The following C12orf42 variants were observed in gnomAD, a reference collection of about 807,000 sequenced individuals.
C12orf42 encodes chromosome 12 open reading frame 42, also known as uncharacterized protein C12orf42.
A neutral mutation model predicts 21.6 loss-of-function variants in C12orf42; 25 were observed. That is an observed-to-expected ratio of 1.16 (90% confidence interval 0.84 to 1.62). The LOEUF (loss-of-function observed/expected upper bound fraction) is 1.62, where lower values mean the gene tolerates loss of function less well. Ranked by LOEUF, C12orf42 falls within the 40% of genes most tolerant of loss-of-function variation. The pLI is 0.00. For synonymous variants in C12orf42, 174 were observed against 175.0 expected (o/e 0.99, Z 0.05); for missense variants, 483 against 459.3 (o/e 1.05, Z -0.47).
At chr12:103,131,050 T>C in the C12orf42 span, among the ~76,000 whole-genome samples, 1 of 152,180 alleles carries the variant, frequency 6.6e-6, no homozygotes, top group South Asian at 2.1e-4. Flanking sequence ...TCCAGTAATT[T>C]GTGCTGATCA....
chr12:103,219,318 C>A, the C12orf42 span, among the ~76,000 whole-genome samples: 1 of 152,136 alleles, frequency 6.6e-6, no homozygotes, highest in South Asian at 2.1e-4. Flanking sequence ...TAGAAGAAAA[C>A]CTAGGCAATA....
At chr12:103,147,311 T>G in the C12orf42 span, among the ~76,000 whole-genome samples, 1 of 152,106 alleles carries the variant, frequency 6.6e-6, no homozygotes, top group African/African-American at 2.4e-5. Flanking sequence ...TAAGCAATTA[T>G]TTTCTAATTC....
the C12orf42 span, among the ~76,000 whole-genome samples, chr12:103,137,792 T>A: frequency 1.3e-5 from 2 of 152,154 alleles, no homozygotes; most frequent in African/African-American, 4.8e-5. Flanking sequence ...TACTGCATGT[T>A]CTCACTCAGA....
At chr12:103,132,601 G>T in the C12orf42 span, among the ~76,000 whole-genome samples, 2 of 152,154 alleles carry the variant, frequency 1.3e-5, no homozygotes, top group Non-Finnish European at 2.9e-5. Context: ...TATTCTCTAA[G>T]GCTACAACAG....
chr12:103,175,455 G>A, the C12orf42 span, among the ~76,000 whole-genome samples: 547 of 152,240 alleles, frequency 3.6e-3, 2 homozygotes, highest in African/African-American at 0.013. Context: ...AAGAGTTGGC[G>A]AGCTAGAAGT....
chr12:103,407,326 A>G (rs1245728142), intron 2 of C12orf42, among the ~76,000 whole-genome samples: 1 of 152,140 alleles, frequency 6.6e-6, no homozygotes, highest in Non-Finnish European at 1.5e-5. Context: ...AATACAGTAG[A>G]CCTTTGACCA....
chr12:103,209,462 T>C, the C12orf42 span, among the ~76,000 whole-genome samples: 5 of 152,254 alleles, frequency 3.3e-5, no homozygotes. Flanking sequence ...CAAAGTTTCC[T>C]TCTCTGATTG....
chr12:103,220,462 A>G, the C12orf42 span, among the ~76,000 whole-genome samples: 2 of 152,204 alleles, frequency 1.3e-5, no homozygotes, highest in Non-Finnish European at 2.9e-5. Flanking sequence ...AGATTTTTTC[A>G]TGAAACTGAC....
chr12:103,354,856 C>A (rs2043388919), intron 4 of C12orf42, among the ~76,000 whole-genome samples: 1 of 151,890 alleles, frequency 6.6e-6, no homozygotes, highest in South Asian at 2.1e-4. Context: ...CCATGCCTGG[C>A]CTATGGTTAA....
At chr12:103,499,664 C>T (rs755209131), upstream of C12orf42, among the ~76,000 whole-genome samples, 1 of 152,156 alleles carries the variant, frequency 6.6e-6, no homozygotes, top group African/African-American at 2.4e-5. Context: ...GTAAGAAATC[C>T]AAACAGGATA....
chr12:103,209,187 A>G, the C12orf42 span, among the ~76,000 whole-genome samples: 73 of 152,258 alleles, frequency 4.8e-4, no homozygotes, highest in African/African-American at 1.7e-3. Context: ...TTCAGAATGT[A>G]CTCTTAACAT....
At chr12:103,352,333 C>A (rs2043171350) in intron 4 of C12orf42, among the ~76,000 whole-genome samples, 1 of 152,078 alleles carries the variant, frequency 6.6e-6, no homozygotes, top group African/African-American at 2.4e-5. Flanking sequence ...AGGATAGAGA[C>A]TATGAAGAAA....
upstream of C12orf42, among the ~76,000 whole-genome samples, chr12:103,500,547 A>G (rs1210420926): frequency 6.6e-6 from 1 of 152,262 alleles, no homozygotes; most frequent in Non-Finnish European, 1.5e-5. Flanking sequence ...GCAGCAAAAG[A>G]GAACTGGGAA....
chr12:103,085,530 C>A, the C12orf42 span, among the ~76,000 whole-genome samples: 3 of 151,038 alleles, frequency 2.0e-5, no homozygotes, highest in East Asian at 1.9e-4. Context: ...CAAAATTATT[C>A]GAATGAAAAG....
the C12orf42 span, among the ~76,000 whole-genome samples, chr12:103,507,952 A>G: frequency 6.6e-6 from 1 of 152,100 alleles, no homozygotes; most frequent in Admixed American, 6.5e-5. Flanking sequence ...TACCGTAGCT[A>G]TTCATCCCTG....
At chr12:103,106,465 G>T in the C12orf42 span, among the ~76,000 whole-genome samples, 9 of 151,934 alleles carry the variant, frequency 5.9e-5, no homozygotes, top group African/African-American at 2.2e-4. Context: ...AGAGTAATTT[G>T]GGTTTGTTTA....
At position 103,413,476 on chromosome 12, in the gene C12orf42, C is replaced by CTATTAT. The variant is rs4015528; in HGVS notation, c.79-11807_79-11802dup. Among the ~76,000 whole-genome samples the CTATTAT allele has an allele frequency of 0.015, 2,178 of 150,094 alleles. 138 individuals carry two copies. In the East Asian group the frequency reaches 0.2, roughly 14 times the overall value. ...TATGAATTTTATTTTGGTATTTACT[C>CTATTAT]TATTATTATTATTATTATTTCAATA... On this transcript the variant is annotated intron_variant, in intron 2 of 5. Coordinates refer to ENST00000548883, the MANE Select transcript of C12orf42 (RefSeq NM_198521.5).
At chr12:103,258,171 T>C (rs1394998426) in intron 10 of C12orf42, among the ~76,000 whole-genome samples, 1 of 152,078 alleles carries the variant, frequency 6.6e-6, no homozygotes, top group Non-Finnish European at 1.5e-5. Context: ...ACATGGAATA[T>C]TATCCCAGTG....
At chr12:103,050,076 T>G in the C12orf42 span, among the ~76,000 whole-genome samples, 1 of 152,200 alleles carries the variant, frequency 6.6e-6, no homozygotes, top group Non-Finnish European at 1.5e-5. Context: ...GAGGTATTCC[T>G]TGAGCTTAGA....
Sources: allele counts gnomAD v4.1 joint callset (sites outside exome capture counted in the v4.1 genomes callset), GRCh38; gene constraint gnomAD v4.1.1; transcripts MANE v1.5; gene names NCBI Gene and HGNC (gene_info 2026-07-23, HGNC 2026-07-21).